The following CSTPP1 variants were observed in gnomAD, a reference collection of about 807,000 sequenced individuals.
CSTPP1 encodes centriolar satellite-associated tubulin polyglutamylase complex regulator 1.
the CSTPP1 span, among the ~76,000 whole-genome samples, chr11:47,059,055 A>G: frequency 6.6e-6 from 1 of 152,254 alleles, no homozygotes; most frequent in African/African-American, 2.4e-5. Flanking sequence ...ACATGGATGA[A>G]GCTGGAAGCC....
chr11:47,101,199 T>TTTTTTTTG, the CSTPP1 span, among the ~76,000 whole-genome samples: 1 of 139,180 alleles, frequency 7.2e-6, no homozygotes, highest in Non-Finnish European at 1.5e-5. Context: ...TATTTTATTT[T>TTTTTTTTG]TAGTAGAGAT....
the CSTPP1 span, chr11:47,160,890 G>A: frequency 1.8e-6 from 1 of 559,850 alleles, no homozygotes; most frequent in Non-Finnish European, 3.2e-6. Flanking sequence ...CTCCTTGGCT[G>A]TGGTGTCTGC....
chr11:46,964,274 CTT>C, the CSTPP1 span, among the ~76,000 whole-genome samples: 1 of 149,596 alleles, frequency 6.7e-6, no homozygotes, highest in Non-Finnish European at 1.5e-5. Flanking sequence ...TTCACAGTGT[CTT>C]CTCTCTCTCT....
chr11:47,017,632 C>T, the CSTPP1 span, among the ~76,000 whole-genome samples: 6 of 151,574 alleles, frequency 4.0e-5, no homozygotes, highest in Non-Finnish European at 8.8e-5. Flanking sequence ...GTCTTTTCAA[C>T]AATGTCATAT....
the CSTPP1 span, among the ~76,000 whole-genome samples, chr11:47,012,011 G>A: frequency 4.6e-5 from 7 of 152,050 alleles, 1 homozygote; most frequent in Middle Eastern, 6.8e-3. Context: ...ATGATGGCTC[G>A]TGCCTATAAT....
At chr11:47,073,377 C>A in the CSTPP1 span, among the ~76,000 whole-genome samples, 4 of 151,996 alleles carry the variant, frequency 2.6e-5, no homozygotes, top group Admixed American at 2.6e-4. Context: ...AGGAAGCTCT[C>A]AATGGAAGGA....
At chr11:46,971,333 A>C in the CSTPP1 span, among the ~76,000 whole-genome samples, 2 of 152,258 alleles carry the variant, frequency 1.3e-5, no homozygotes, top group Non-Finnish European at 2.9e-5. Context: ...GTTAAAACAC[A>C]GAACTTTATA....
chr11:47,118,356 T>C, the CSTPP1 span, among the ~76,000 whole-genome samples: 3 of 152,318 alleles, frequency 2.0e-5, no homozygotes, highest in South Asian at 4.1e-4. Context: ...TTGACTAATC[T>C]TTTTTCAAGG....
the CSTPP1 span, among the ~76,000 whole-genome samples, chr11:47,048,478 G>C: frequency 6.6e-6 from 1 of 151,810 alleles, no homozygotes; most frequent in African/African-American, 2.4e-5. Flanking sequence ...TAAAAATTAT[G>C]AAGGAAGGAA....
the CSTPP1 span, among the ~76,000 whole-genome samples, chr11:47,098,439 G>A: frequency 6.6e-6 from 1 of 151,812 alleles, no homozygotes; most frequent in African/African-American, 2.4e-5. Flanking sequence ...TCAGATATCT[G>A]TGCCAGAGGC....
chr11:47,063,305 A>T, the CSTPP1 span, among the ~76,000 whole-genome samples: 1 of 152,182 alleles, frequency 6.6e-6, no homozygotes, highest in African/African-American at 2.4e-5. Context: ...AATTTGAGAA[A>T]TCTTTTTTAT....
the CSTPP1 span, among the ~76,000 whole-genome samples, chr11:47,034,878 T>C: frequency 1.3e-5 from 2 of 152,226 alleles, no homozygotes; most frequent in African/African-American, 2.4e-5. Context: ...CCTGATATCC[T>C]GATATTTTTT....
At chr11:47,075,886 A>G in the CSTPP1 span, among the ~76,000 whole-genome samples, 1 of 133,406 alleles carries the variant, frequency 7.5e-6, no homozygotes, top group Non-Finnish European at 1.5e-5. Context: ...ATATTGCGCC[A>G]CTGTACTCCA....
chr11:47,110,407 T>C, the CSTPP1 span, among the ~76,000 whole-genome samples: 2 of 152,218 alleles, frequency 1.3e-5, no homozygotes, highest in Admixed American at 6.5e-5. Flanking sequence ...GTTTGAGGAA[T>C]GGAATGAGAA....
the CSTPP1 span, among the ~76,000 whole-genome samples, chr11:46,942,814 G>C: frequency 6.6e-6 from 1 of 152,112 alleles, no homozygotes; most frequent in African/African-American, 2.4e-5. Context: ...GCTTAGAAAG[G>C]CTAATTGATT....
chr11:46,992,199 CTTG>C, the CSTPP1 span, among the ~76,000 whole-genome samples: 1 of 151,746 alleles, frequency 6.6e-6, no homozygotes, highest in Non-Finnish European at 1.5e-5. Flanking sequence ...GGACTACTTT[CTTG>C]TTTTTTCCTC....
the CSTPP1 span, among the ~76,000 whole-genome samples, chr11:47,069,855 C>T: frequency 3.3e-5 from 5 of 152,084 alleles, no homozygotes; most frequent in Admixed American, 2.0e-4. Context: ...CTGGGATTAC[C>T]GGCATGTGCC....
chr11:47,143,472 C>T, the CSTPP1 span, among the ~76,000 whole-genome samples: 1 of 152,192 alleles, frequency 6.6e-6, no homozygotes, highest in African/African-American at 2.4e-5. Context: ...AGCTGGAAGC[C>T]GGAGCCTGTT....
chr11:46,938,885 T>G, the CSTPP1 span, among the ~76,000 whole-genome samples: 3 of 150,032 alleles, frequency 2.0e-5, no homozygotes, highest in Non-Finnish European at 4.4e-5. Context: ...CAAGTGATCC[T>G]GCTACCTCAG....
Sources: allele counts gnomAD v4.1 joint callset (sites outside exome capture counted in the v4.1 genomes callset), GRCh38; gene constraint gnomAD v4.1.1; transcripts MANE v1.5; gene names NCBI Gene and HGNC (gene_info 2026-07-23, HGNC 2026-07-21).